ZNF706: variants seen among roughly 807,000 people sequenced by gnomAD.
ZNF706 encodes transcriptional regulator ZNF706.
A neutral mutation model predicts 9.2 loss-of-function variants in ZNF706; 4 were observed. The observed-to-expected ratio is 0.43, with a 90% confidence interval of 0.21 to 0.99. The LOEUF (loss-of-function observed/expected upper bound fraction) is 0.99, where lower values mean the gene tolerates loss of function less well. Among genes scored for constraint, ZNF706 ranks in the 50% least tolerant of loss-of-function variants. The probability of loss-of-function intolerance (pLI) is 0.26; values close to 1 mark genes in which losing one functional copy is unlikely to be tolerated. For missense variants in ZNF706, 27 were observed against 87.8 expected (o/e 0.31, Z 2.77); for synonymous variants, 28 against 27.3 (o/e 1.03, Z -0.08).
At chr8:101,199,939 C>T (rs1810498941) in intron 3 of ZNF706, 51 bp downstream of exon 3, 1 of 1,296,270 alleles carries the variant, frequency 7.7e-7, no homozygotes, top group Non-Finnish European at 1.1e-6. Context: ...CAGTTTTGGT[C>T]TTGTATACAA....
At chr8:101,199,820 T>C (rs554805629) in intron 3 of ZNF706, among the ~76,000 whole-genome samples, 170 bp downstream of exon 3, 1 of 152,234 alleles carries the variant, frequency 6.6e-6, no homozygotes, top group Admixed American at 6.5e-5. Context: ...TTCAAAGGCA[T>C]TGAAAGGAAA....
intron 2 of ZNF706, chr8:101,200,298 G>A: frequency 2.1e-6 from 1 of 481,922 alleles, no homozygotes; most frequent in Non-Finnish European, 3.8e-6. Context: ...TATAAAGAAA[G>A]GTAGGTCACA....
At chr8:101,202,104 A>G (rs567793016) in intron 1 of ZNF706, among the ~76,000 whole-genome samples, 10 of 152,178 alleles carry the variant, frequency 6.6e-5, no homozygotes, top group South Asian at 4.2e-4. Flanking sequence ...CAACTTGTAT[A>G]CATATTTTTA....
In ZNF706 at chr8:101,201,209, A is replaced by G. The variant is rs1355856047; in HGVS notation, c.135+398T>C. The G allele has an allele frequency of 5.7e-6, 1 of 174,262 alleles. No homozygotes were observed. The highest frequency in any genetic ancestry group is 1.2e-5 in the Non-Finnish European group (1 of 80,982). 10.8% of individuals were successfully genotyped at this position (174,262 alleles called of 1,614,324 possible). A position where few individuals can be genotyped will look rare whatever the true frequency, so the allele number is the denominator to read the frequency against. On this transcript the variant is annotated intron_variant, in intron 2 of 3. Coordinates refer to ENST00000311212, the MANE Select transcript of ZNF706 (RefSeq NM_016096.5). This position sits in a 1 kb window ranked among gnomAD's most constrained non-coding sequence, Gnocchi z 4.5. ...ACGTGATTATACTCTATATGGTTTT[A>G]CAGACATCCTAATTATAAATTTAGT...
chr8:101,200,259 A>G, intron 2 of ZNF706, 162 bp from the exon 3 acceptor site: 1 of 557,592 alleles, frequency 1.8e-6, no homozygotes, highest in Non-Finnish European at 3.2e-6. Flanking sequence ...TTTGTGGTAA[A>G]GAAATTCCTA....
intron 2 of ZNF706, chr8:101,200,670 C>T (rs1171728600): frequency 6.5e-6 from 1 of 153,146 alleles, no homozygotes; most frequent in Admixed American, 6.5e-5. Context: ...TAAGGTATTT[C>T]TTCATTACTA....
At position 101,198,247 on chromosome 8, in the gene ZNF706, TA is replaced by T. The variant is rs1483827447; in HGVS notation, c.*1004del. Reference sequence around the variant, plus strand: ...TAGGTAACAGCACAAAGCAAACTCCTAAAATCAACAACTCACTTAGAAAAGA... The same window carrying T: ...TAGGTAACAGCACAAAGCAAACTCCTAAATCAACAACTCACTTAGAAAAGA... On this transcript the variant is annotated 3_prime_UTR_variant, in exon 4 of 4. Transcript: ENST00000311212. 1.3e-5 allele frequency: 2 copies of T among 152,138 alleles called. No individual in the cohort carries two copies. The highest frequency in any genetic ancestry group is 4.8e-5 in the African/African-American group (2 of 41,426). The allele number at this position is 152,138 out of a possible 1,614,324, so 9.4% of individuals were successfully genotyped here. A position where few individuals can be genotyped will look rare whatever the true frequency, so the allele number is the denominator to read the frequency against.
At chr8:101,202,604 A>G (rs1019560157) in intron 1 of ZNF706, 1 of 152,214 alleles carries the variant, frequency 6.6e-6, no homozygotes, top group Non-Finnish European at 1.5e-5. Flanking sequence ...GAAAGGGGTC[A>G]CCTTGGGGGT....
At position 101,205,503 on chromosome 8, in the gene ZNF706, G is replaced by A. The variant is rs1030263143; in HGVS notation, c.-71C>T. The A allele has an allele frequency of 3.9e-5, 6 of 154,838 alleles. No homozygotes were observed. Among genetic ancestry groups the A allele is most frequent in the Non-Finnish European group, 8.6e-5 (6 of 69,460 alleles). 9.6% of individuals were successfully genotyped at this position (154,838 alleles called of 1,614,324 possible). A position where few individuals can be genotyped will look rare whatever the true frequency, so the allele number is the denominator to read the frequency against. The stretch of plus-strand genomic sequence containing the variant: ...GAGGGCCGGGAGAGGACGCCGGAGG[G>A]AAAGGAAGGGGGAGCGCGCCCAGCA... On this transcript the variant is annotated 5_prime_UTR_variant, in exon 1 of 4. Coordinates refer to ENST00000311212, the MANE Select transcript of ZNF706 (RefSeq NM_016096.5). This position sits in a 1 kb window ranked among gnomAD's most constrained non-coding sequence, Gnocchi z 6.6.
At chr8:101,205,865 T>TCGCCTTCTGTCCCCAGGCG (rs1810752643), upstream of ZNF706, 1 of 152,228 alleles carries the variant, frequency 6.6e-6, no homozygotes, top group African/African-American at 2.4e-5. The surrounding 1 kb of genome is among the most constrained non-coding windows in gnomAD (Gnocchi z 6.6). Flanking sequence ...TCAGGGGACG[T>TCGCCTTCTGTCCCCAGGCG]CGCCTTCTGT....
Position 101,197,441 on chromosome 8 carries a change from T to C in ZNF706, c.*1811A>G, listed in dbSNP as rs549499646. The stretch of plus-strand genomic sequence containing the variant: ...CAGCTATTTCCCTATCACTGAGATA[T>C]AGTGTTAAATATGGTGTCTTCAGCT... On this transcript the variant is annotated 3_prime_UTR_variant, in exon 4 of 4. Transcript: ENST00000311212. The C allele has an allele frequency of 9.9e-5, 15 of 152,130 alleles. No homozygotes were observed. In the South Asian group the frequency reaches 1.0e-3, roughly 11 times the overall value. 9.4% of individuals were successfully genotyped at this position (152,130 alleles called of 1,614,324 possible).
chr8:101,203,865 G>T (rs984722560), intron 1 of ZNF706: 1 of 152,048 alleles, frequency 6.6e-6, no homozygotes, highest in Non-Finnish European at 1.5e-5. Flanking sequence ...GTGTATTTAA[G>T]TCCGATGTTA....
At position 101,197,333 on chromosome 8, in the gene ZNF706, T is replaced by C. The variant is rs953972139; in HGVS notation, c.*1919A>G. On this transcript the variant is annotated 3_prime_UTR_variant, in exon 4 of 4. Coordinates refer to ENST00000311212, the MANE Select transcript of ZNF706 (RefSeq NM_016096.5). ...TTAAATTACAGGGATGTTTGGTTTT[T>C]AACTCAAACACAGTAAAATGGGGAT... 1 of 152,224 alleles carries C rather than the reference T, an allele frequency of 6.6e-6. No individual in the cohort carries two copies. The highest frequency in any genetic ancestry group is 2.4e-5 in the African/African-American group (1 of 41,474). 9.4% of individuals were successfully genotyped at this position (152,224 alleles called of 1,614,324 possible).
chr8:101,204,783 T>C lies in ZNF706; in HGVS notation c.-3+652A>G, dbSNP rs908922462. 1.0e-5 allele frequency: 10 copies of C among 985,378 alleles called. No homozygotes were observed. In the East Asian group the frequency reaches 1.0e-3, roughly 101 times the overall value. The allele number at this position is 985,378 out of a possible 1,614,324, so 61.0% of individuals were successfully genotyped here. A position where few individuals can be genotyped will look rare whatever the true frequency, so the allele number is the denominator to read the frequency against. Reference sequence around the variant, plus strand: ...AGTAAGCTCTGCCCCAAAGCTCCTTTTAAAACCAACATAAATGAGTAACAG... The same window carrying C: ...AGTAAGCTCTGCCCCAAAGCTCCTTCTAAAACCAACATAAATGAGTAACAG... On this transcript the variant is annotated intron_variant, in intron 1 of 3. Coordinates refer to ENST00000311212, the MANE Select transcript of ZNF706 (RefSeq NM_016096.5).
intron 1 of ZNF706, chr8:101,204,830 G>A: frequency 2.0e-6 from 2 of 985,496 alleles, no homozygotes; most frequent in South Asian, 4.7e-5. Flanking sequence ...TTTGGGTCCA[G>A]GAAGTAGGCT....
In ZNF706 at chr8:101,199,972, G is replaced by A; in HGVS notation, c.*12+18C>T. Reference sequence around the variant, plus strand: ...CAACCCTGTTATTAACAAACCAATAGAAAAAGAGGTGAGTTACCTGTAAAC... The same window carrying A: ...CAACCCTGTTATTAACAAACCAATAAAAAAAGAGGTGAGTTACCTGTAAAC... On this transcript the variant is annotated intron_variant, in intron 3 of 3. Transcript: ENST00000311212. The A allele has an allele frequency of 6.4e-7, 1 of 1,561,286 alleles. No homozygotes were observed. Among genetic ancestry groups the A allele is most frequent in the Non-Finnish European group, 8.8e-7 (1 of 1,134,350 alleles).
rs200168100 is a variant in ZNF706 at position 101,198,312 on chromosome 8, G to C, written c.*940C>G. The C allele has an allele frequency of 3.3e-5, 5 of 152,186 alleles. No individual in the cohort carries two copies. In the East Asian group the frequency reaches 9.6e-4, roughly 29 times the overall value. The allele number at this position is 152,186 out of a possible 1,614,324, so 9.4% of individuals were successfully genotyped here. On this transcript the variant is annotated 3_prime_UTR_variant, in exon 4 of 4. Coordinates refer to ENST00000311212, the MANE Select transcript of ZNF706 (RefSeq NM_016096.5). ...GTTCTGGGAATTAATCCAGCCACAA[G>C]TCATTCCAATCTTCCTGTTAATGCA...
At chr8:101,203,240 G>C (rs562479867) in intron 1 of ZNF706, 1 of 151,606 alleles carries the variant, frequency 6.6e-6, no homozygotes, top group Non-Finnish European at 1.5e-5. Context: ...GCTTTTATTC[G>C]ACCACACAAG....
intron 3 of ZNF706, 94 bp from the exon 4 acceptor site, chr8:101,199,333 A>G (rs914892423): frequency 2.8e-5 from 19 of 680,122 alleles, no homozygotes; most frequent in South Asian, 2.5e-4. Flanking sequence ...CACTATGAAG[A>G]TAATATCTGG....
Sources: allele counts gnomAD v4.1 joint callset (sites outside exome capture counted in the v4.1 genomes callset), GRCh38; gene constraint gnomAD v4.1.1; non-coding constraint Gnocchi (gnomAD v3.1); transcripts MANE v1.5; gene names NCBI Gene and HGNC (gene_info 2026-07-23, HGNC 2026-07-21).